CEP162: variants seen among roughly 807,000 people sequenced by gnomAD.
The protein encoded by CEP162 is centrosomal protein 162.
CEP162 carries 141 observed loss-of-function variants against 169.2 expected under a neutral mutation model. That is an observed-to-expected ratio of 0.83 (90% confidence interval 0.73 to 0.96). The LOEUF is 0.96. CEP162 is among the 40% of genes least tolerant of loss of function. The pLI is 0.00. For synonymous variants in CEP162, 540 were observed against 526.4 expected, an observed-to-expected ratio of 1.03 and a Z score of -0.35; for missense variants, 1,600 against 1,587.2, an observed-to-expected ratio of 1.01 and a Z score of -0.14.
chr6:84,159,523 T>TTATATATATATATATATATATA (rs1554166777), intron 21 of CEP162, among the ~76,000 whole-genome samples: 8 of 37,136 alleles, frequency 2.2e-4, no homozygotes, highest in African/African-American at 8.8e-4. Flanking sequence ...AATTAATTAT[T>TTATATATATATATATATATATA]TATATATATA....
rs1562105957 is a variant in CEP162, at chr6:84,226,334, T to TA, written c.57+2dup. 2 of 1,542,454 alleles carry TA rather than the reference T, an allele frequency of 1.3e-6. No homozygotes were observed. The highest frequency in any genetic ancestry group is 1.4e-5 in the African/African-American group (1 of 73,372). ...AATATAGCTTTTAAAAATATAAACT[T>TA]ACCTCTTTCATAAACTGTTCAAACT... is the stretch of plus-strand genomic sequence containing the variant. On this transcript the variant is annotated splice_region_variant and intron_variant, in intron 2 of 26. Transcript: ENST00000403245.
At chr6:84,167,342 C>T (rs1047491490) in intron 18 of CEP162, among the ~76,000 whole-genome samples, 19 of 152,272 alleles carry the variant, frequency 1.2e-4, no homozygotes, top group Middle Eastern at 6.8e-3. Context: ...TTCATTCCCA[C>T]AGCTCTGTTT....
At position 84,194,970 on chromosome 6, in the gene CEP162, T is replaced by A; in HGVS notation, c.941A>T (p.Asn314Ile). ...TGAGCTCTTGATATCTTCCACTGTG[T>A]TACTCTCAATTTTTTGTTTGTCTTC... ...GDEDKQKIES[N>I]TVEDIKSSVK... The change falls in exon 10 of 27, where the codon AAC becomes ATC. Residue 314 changes from asparagine (N) to isoleucine (I), a missense_variant. Asn to Ile is a moderately radical substitution (Grantham distance 149). Coordinates refer to ENST00000403245, the MANE Select transcript of CEP162 (RefSeq NM_014895.4). The A allele has an allele frequency of 6.2e-7, 1 of 1,613,634 alleles. No homozygotes were observed. The highest frequency in any genetic ancestry group is 1.1e-5 in the South Asian group (1 of 91,008).
At chr6:84,170,690 T>C (rs2099529760) in intron 17 of CEP162, among the ~76,000 whole-genome samples, 1 of 152,162 alleles carries the variant, frequency 6.6e-6, no homozygotes. Flanking sequence ...TCTGAGTGAT[T>C]AGGTGTTTAC....
intron 25 of CEP162, among the ~76,000 whole-genome samples, chr6:84,135,963 G>T (rs1321070821): frequency 1.4e-4 from 22 of 152,186 alleles, no homozygotes; most frequent in Admixed American, 1.4e-3. Context: ...AGTCTTCCTG[G>T]TCACTTTGCT....
intron 11 of CEP162, among the ~76,000 whole-genome samples, chr6:84,188,181 G>A (rs765406251): frequency 2.0e-5 from 3 of 150,218 alleles, no homozygotes; most frequent in Non-Finnish European, 4.4e-5. Flanking sequence ...GCAAATAAAC[G>A]CAGAGAAAAA....
At chr6:84,200,982 A>C in intron 8 of CEP162, 77 bp from the exon 9 acceptor site, 1 of 938,690 alleles carries the variant, frequency 1.1e-6, no homozygotes, top group Admixed American at 1.8e-5. Flanking sequence ...AATTATTTTA[A>C]ACATATGCAA....
intron 13 of CEP162, among the ~76,000 whole-genome samples, chr6:84,183,659 G>T (rs2099535860): frequency 6.6e-6 from 1 of 151,956 alleles, no homozygotes; most frequent in Admixed American, 6.6e-5. Context: ...TAAATTCCAT[G>T]GTCAACCATT....
intron 24 of CEP162, 84 bp from the exon 25 acceptor site, chr6:84,146,869 G>C: frequency 1.5e-6 from 1 of 683,194 alleles, no homozygotes; most frequent in Non-Finnish European, 2.5e-6. Context: ...ACTCACAAAA[G>C]GGAACTCTTA....
At chr6:84,195,121 C>A in intron 9 of CEP162, 46 bp from the exon 10 acceptor site, 1 of 1,383,712 alleles carries the variant, frequency 7.2e-7, no homozygotes, top group South Asian at 1.4e-5. Flanking sequence ...ATCACAAATA[C>A]ATGAGAACGA....
intron 24 of CEP162, among the ~76,000 whole-genome samples, chr6:84,147,834 A>ATCTT (rs1159200527): frequency 6.6e-6 from 1 of 152,164 alleles, no homozygotes; most frequent in Non-Finnish European, 1.5e-5. Flanking sequence ...TCAGTCTCAT[A>ATCTT]TCTTTAGGTA....
intron 6 of CEP162, 87 bp from the exon 7 acceptor site, chr6:84,204,183 A>T: frequency 1.4e-6 from 1 of 713,358 alleles, no homozygotes; most frequent in Non-Finnish European, 2.3e-6. Context: ...CGAAAGGAAG[A>T]AGTCTGTATA....
chr6:84,204,916 C>T (rs976665565), intron 6 of CEP162, among the ~76,000 whole-genome samples: 13 of 152,180 alleles, frequency 8.5e-5, no homozygotes, highest in Admixed American at 3.9e-4. Flanking sequence ...CACAGAAATA[C>T]AAACCACCAT....
In CEP162 at chr6:84,125,062, A is replaced by C. The variant is rs1484478203; in HGVS notation, c.*8T>G. Reference sequence around the variant, plus strand: ...TTTAATAAGGTCATTATGAAATCTGAATTTCTATTAATACTCTGGTGCATT... The same window carrying C: ...TTTAATAAGGTCATTATGAAATCTGCATTTCTATTAATACTCTGGTGCATT... On this transcript the variant is annotated 3_prime_UTR_variant, in exon 27 of 27. Transcript: ENST00000403245. 1.2e-6 allele frequency: 2 copies of C among 1,604,956 alleles called. No individual in the cohort carries two copies. Among genetic ancestry groups the C allele is most frequent in the African/African-American group, 2.7e-5 (2 of 74,676 alleles).
At chr6:84,156,314 C>T (rs976035109) in intron 21 of CEP162, among the ~76,000 whole-genome samples, 1 of 152,038 alleles carries the variant, frequency 6.6e-6, no homozygotes, top group African/African-American at 2.4e-5. Context: ...CTGGCCCAGG[C>T]AAAGGATTTA....
At chr6:84,131,233 T>G (rs2099511265) in intron 25 of CEP162, among the ~76,000 whole-genome samples, 1 of 152,178 alleles carries the variant, frequency 6.6e-6, no homozygotes, top group Non-Finnish European at 1.5e-5. Flanking sequence ...TTTGTTATGA[T>G]TTCCATTCTT....
intron 9 of CEP162, among the ~76,000 whole-genome samples, chr6:84,197,154 G>A (rs1349633203): frequency 6.6e-6 from 1 of 151,802 alleles, no homozygotes; most frequent in East Asian, 1.9e-4. Context: ...AATTTAGTAG[G>A]TATGAGGTGT....
At chr6:84,197,524 A>C (rs1045881358) in intron 9 of CEP162, among the ~76,000 whole-genome samples, 13 of 152,088 alleles carry the variant, frequency 8.5e-5, no homozygotes, top group African/African-American at 2.9e-4. Context: ...CAACTTTAGA[A>C]AATTGAGGCT....
intron 15 of CEP162, 91 bp from the exon 16 acceptor site, chr6:84,174,279 GA>G (rs2099531405): frequency 1.0e-5 from 10 of 1,004,948 alleles, no homozygotes; most frequent in Non-Finnish European, 1.4e-5. Flanking sequence ...TATTTAGATC[GA>G]AAACTGTCTT....
Sources: allele counts gnomAD v4.1 joint callset (sites outside exome capture counted in the v4.1 genomes callset), GRCh38; gene constraint gnomAD v4.1.1; transcripts MANE v1.5; gene names NCBI Gene and HGNC (gene_info 2026-07-23, HGNC 2026-07-21).